Variants in CNOT4 observed in about 807,000 individuals in gnomAD.
CNOT4 encodes the protein CCR4-associated factor 4.
In CNOT4, 8 loss-of-function variants were observed where a neutral mutation model predicts 73.8. The ratio of observed to expected loss-of-function variants is 0.11; its 90% confidence interval spans 0.06 to 0.20. The LOEUF is 0.20. Among genes scored for constraint, CNOT4 ranks in the 10% least tolerant of loss-of-function variants. The probability of loss-of-function intolerance (pLI) is 1.00; values close to 1 mark genes in which losing one functional copy is unlikely to be tolerated. For missense variants in CNOT4, 564 were observed against 883.4 expected (o/e 0.64, Z 4.58); for synonymous variants, 293 against 321.1 (o/e 0.91, Z 0.94).
chr7:135,485,878 A>T (rs1802689526), intron 1 of CNOT4, among the ~76,000 whole-genome samples: 1 of 152,246 alleles, frequency 6.6e-6, no homozygotes, highest in Non-Finnish European at 1.5e-5. Context: ...CTAGGTAAAG[A>T]GTTGTTACAC....
chr7:135,394,902 G>A (rs1398468678), intron 9 of CNOT4, among the ~76,000 whole-genome samples: 1 of 152,034 alleles, frequency 6.6e-6, no homozygotes, highest in Non-Finnish European at 1.5e-5. Context: ...CACAGGTGCT[G>A]TTGTCAATGT....
At position 135,397,666 on chromosome 7, in the gene CNOT4, G is replaced by A. The variant is rs145385132; in HGVS notation, c.879+503C>T. 2.1e-3 allele frequency among the ~76,000 whole-genome samples: 318 copies of A among 151,316 alleles called. 1 individual carries two copies. The highest frequency in any genetic ancestry group is 6.9e-3 in the African/African-American group (283 of 41,284). The stretch of plus-strand genomic sequence containing the variant: ...AAGATGACATAAAGCATGCTCTAAC[G>A]GTCAGCACTCCACTCAGTTTCATAG... On this transcript the variant is annotated intron_variant, in intron 8 of 11. Transcript: ENST00000541284.
chr7:135,363,255 A>AT lies in CNOT4; in HGVS notation c.1841-70dup. On this transcript the variant is annotated intron_variant, in intron 11 of 11. Transcript: ENST00000541284. The surrounding 1 kb of genome is among the most constrained non-coding windows in gnomAD (Gnocchi z 4.3). Reference sequence around the variant, plus strand: ...TGGAAAGAATAAGGTCGTCAAACAAATTTAGAAAGCAAAACCAAAAGGAAA... The same window carrying AT: ...TGGAAAGAATAAGGTCGTCAAACAAATTTTAGAAAGCAAAACCAAAAGGAAA... 1 of 1,464,224 alleles carries AT rather than the reference A, an allele frequency of 6.8e-7. No individual in the cohort carries two copies. The allele number at this position is 1,464,224 out of a possible 1,614,324, so 90.7% of individuals were successfully genotyped here.
At chr7:135,415,119 G>A in intron 4 of CNOT4, 57 bp downstream of exon 4, 1 of 998,292 alleles carries the variant, frequency 1.0e-6, no homozygotes, top group South Asian at 1.3e-5. Context: ...CTTTGGAACA[G>A]CCCAGGTCAA....
intron 10 of CNOT4, among the ~76,000 whole-genome samples, chr7:135,369,832 C>T (rs1419285939): frequency 6.6e-6 from 1 of 152,186 alleles, no homozygotes; most frequent in Non-Finnish European, 1.5e-5. Context: ...AAAGTCTAAA[C>T]TTCCTCAAAC....
intron 1 of CNOT4, among the ~76,000 whole-genome samples, chr7:135,450,665 T>C (rs1800103140): frequency 6.6e-6 from 1 of 152,116 alleles, no homozygotes; most frequent in South Asian, 2.1e-4. Context: ...CAGTCAGAAA[T>C]TGAAGGCATG....
rs1794778782 is a variant in CNOT4 at position 135,363,956 on chromosome 7, G to A, written c.1738C>T (p.Pro580Ser). Residue 580 changes from proline (P) to serine (S), a missense_variant, in exon 11 of 12, where the codon CCC (proline) becomes TCC (serine). Coordinates refer to ENST00000541284, the MANE Select transcript of CNOT4 (RefSeq NM_001190850.2). The surrounding 1 kb of genome is among the most constrained non-coding windows in gnomAD (Gnocchi z 4.3). ...GGTGCACTGTGGTTGGCGTTGGAGG[G>A]GGAAGAAGAATTGGGCAGTCCACCA... ...NFGGLPNSSS[P>S]SNANHSAPTS... is the part of the protein sequence containing the mutation. 2 of 1,598,316 alleles carry A rather than the reference G, an allele frequency of 1.3e-6. No homozygotes were observed. Among genetic ancestry groups the A allele is most frequent in the African/African-American group, 1.3e-5 (1 of 74,812 alleles).
At position 135,373,307 on chromosome 7, in the gene CNOT4, T is replaced by C. The variant is rs916850259; in HGVS notation, c.1628-9241A>G. 3.3e-5 allele frequency among the ~76,000 whole-genome samples: 5 copies of C among 152,238 alleles called. 1 individual carries two copies. Among genetic ancestry groups the C allele is most frequent in the African/African-American group, 1.2e-4 (5 of 41,466 alleles). ...GCAGGGCAATGTAGTTCCATGTTCA[T>C]TTTGCTTCCTTCTATCTTTAGGTAA... On this transcript the variant is annotated intron_variant, in intron 10 of 11. Coordinates refer to ENST00000541284, the MANE Select transcript of CNOT4 (RefSeq NM_001190850.2).
chr7:135,384,765 T>C (rs753968683), intron 10 of CNOT4: 4 of 763,244 alleles, frequency 5.2e-6, no homozygotes, highest in African/African-American at 1.7e-5. Context: ...CTCCCTTATA[T>C]TAAAGCAATG....
chr7:135,397,879 T>G (rs1310744398), intron 8 of CNOT4, among the ~76,000 whole-genome samples: 1 of 152,068 alleles, frequency 6.6e-6, no homozygotes, highest in Non-Finnish European at 1.5e-5. Flanking sequence ...TCAGAAGGCA[T>G]GCTAGCCTGG....
At chr7:135,381,388 A>G (rs1795839913) in intron 10 of CNOT4, among the ~76,000 whole-genome samples, 1 of 152,226 alleles carries the variant, frequency 6.6e-6, no homozygotes, top group African/African-American at 2.4e-5. Flanking sequence ...GACTATTACT[A>G]ACATTTCAAA....
rs747415149 is a variant in CNOT4 at position 135,364,083 on chromosome 7, C to CAAA, written c.1628-20_1628-18dup. On this transcript the variant is annotated splice_polypyrimidine_tract_variant and intron_variant, in intron 10 of 11. Coordinates refer to ENST00000541284, the MANE Select transcript of CNOT4 (RefSeq NM_001190850.2). This position sits in a 1 kb window ranked among gnomAD's most constrained non-coding sequence, Gnocchi z 4.3. ...TGCTGTTGTCTGGGAGATTTACCAA[C>CAAA]AAAAAAATGAAAGATAAAAAAAAAT... The CAAA allele has an allele frequency of 6.7e-7, 1 of 1,490,620 alleles. No individual in the cohort carries two copies. The highest frequency in any genetic ancestry group is 2.0e-5 in the Admixed American group (1 of 49,332). 92.3% of individuals were successfully genotyped at this position (1,490,620 alleles called of 1,614,324 possible).
chr7:135,498,724 T>A (rs1176406299), intron 1 of CNOT4, among the ~76,000 whole-genome samples: 1 of 152,124 alleles, frequency 6.6e-6, no homozygotes, highest in African/African-American at 2.4e-5. Flanking sequence ...AATTTTTCTA[T>A]TTTTAGTAGA....
chr7:135,481,211 A>C (rs186314971), intron 1 of CNOT4, among the ~76,000 whole-genome samples: 1 of 152,188 alleles, frequency 6.6e-6, no homozygotes, highest in African/African-American at 2.4e-5. Flanking sequence ...ACTAATATCC[A>C]GAATATACAA....
chr7:135,493,319 G>A (rs1332024260), intron 1 of CNOT4, among the ~76,000 whole-genome samples: 4 of 152,150 alleles, frequency 2.6e-5, no homozygotes, highest in Admixed American at 6.5e-5. Flanking sequence ...ATACTACCAT[G>A]CCTGGCCAGG....
chr7:135,495,684 AAAAAAAAAAGAAAGAAAGAAAGAAAG>A lies in CNOT4; in HGVS notation c.-93+14179_-93+14204del, dbSNP rs1803467852. On this transcript the variant is annotated intron_variant, in intron 1 of 11. Transcript: ENST00000541284. ...GACCCTGTGTCAAAAAAAAAAAAAA[AAAAAAAAAAGAAAGAAAGAAAGAAAG>A]AAAGAAAGAAAGAAAGAAAGAAAGA... Among the ~76,000 whole-genome samples, 6 of 97,706 alleles carry A rather than the reference AAAAAAAAAAGAAAGAAAGAAAGAAAG, an allele frequency of 6.1e-5. No homozygotes were observed. The South Asian group carries it at 1.7e-3, about 28-fold the overall frequency. 64.1% of individuals were successfully genotyped at this position (97,706 alleles called of 152,430 possible).
chr7:135,366,346 G>A (rs948692825), intron 10 of CNOT4, among the ~76,000 whole-genome samples: 1 of 152,190 alleles, frequency 6.6e-6, no homozygotes, highest in Non-Finnish European at 1.5e-5. Flanking sequence ...TAAAGGCAGA[G>A]GGGTTATATG....
intron 10 of CNOT4, chr7:135,387,332 A>C (rs1796170074): frequency 1.0e-6 from 1 of 985,178 alleles, no homozygotes; most frequent in African/African-American, 1.7e-5. Flanking sequence ...AAATCTAAGG[A>C]TATCTAAGAA....
chr7:135,415,321 A>T, intron 3 of CNOT4, 59 bp from the exon 4 acceptor site: 3 of 845,874 alleles, frequency 3.5e-6, no homozygotes, highest in Non-Finnish European at 5.8e-6. Flanking sequence ...CTTTATCCTT[A>T]TAATGGAGAC....
Sources: allele counts gnomAD v4.1 joint callset (sites outside exome capture counted in the v4.1 genomes callset), GRCh38; gene constraint gnomAD v4.1.1; non-coding constraint Gnocchi (gnomAD v3.1); transcripts MANE v1.5; gene names NCBI Gene and HGNC (gene_info 2026-07-23, HGNC 2026-07-21).